Variants in KCND2 observed in about 807,000 individuals in gnomAD.
KCND2 encodes the protein A-type voltage-gated potassium channel KCND2.
KCND2 carries 16 observed loss-of-function variants against 54.4 expected under a neutral mutation model. That is an observed-to-expected ratio of 0.29 (90% CI 0.20 to 0.45). The LOEUF (loss-of-function observed/expected upper bound fraction) is 0.45. KCND2 is among the 20% of genes least tolerant of loss of function. The probability of loss-of-function intolerance (pLI) is 1.00; values close to 1 mark genes in which losing one functional copy is unlikely to be tolerated. For missense variants in KCND2, 486 were observed against 824.2 expected (o/e 0.59, Z 5.02); for synonymous variants, 317 against 310.7 (o/e 1.02, Z -0.21).
chr7:120,583,554 AGGTCTC>A (rs1792547279), intron 1 of KCND2, among the ~76,000 whole-genome samples: 1 of 152,094 alleles, frequency 6.6e-6, no homozygotes, highest in Admixed American at 6.6e-5. Context: ...GGTGCCTGTG[AGGTCTC>A]TCTCTGGCTT....
At chr7:120,389,064 TC>T (rs1801034909) in intron 1 of KCND2, among the ~76,000 whole-genome samples, 1 of 151,760 alleles carries the variant, frequency 6.6e-6, no homozygotes, top group Non-Finnish European at 1.5e-5. Flanking sequence ...CATACATAAT[TC>T]AGTTCCACTA....
chr7:120,744,729 T>A (rs1473160783), intron 4 of KCND2, among the ~76,000 whole-genome samples: 1 of 152,168 alleles, frequency 6.6e-6, no homozygotes, highest in Non-Finnish European at 1.5e-5. Context: ...AGCCAGTGTC[T>A]TGCTTCAATT....
At chr7:120,569,410 CA>C (rs1792336141) in intron 1 of KCND2, among the ~76,000 whole-genome samples, 1 of 152,044 alleles carries the variant, frequency 6.6e-6, no homozygotes, top group Admixed American at 6.6e-5. Flanking sequence ...CTTAATATCC[CA>C]AATTATTTGT....
At chr7:120,702,042 C>A (rs911607295) in intron 1 of KCND2, among the ~76,000 whole-genome samples, 1 of 151,990 alleles carries the variant, frequency 6.6e-6, no homozygotes, top group Admixed American at 6.6e-5. Context: ...AGAACATTTT[C>A]AAAAACTATG....
intron 1 of KCND2, among the ~76,000 whole-genome samples, chr7:120,418,635 G>T (rs1801562519): frequency 6.6e-6 from 1 of 152,130 alleles, no homozygotes; most frequent in African/African-American, 2.4e-5. Context: ...TTTTTTATTA[G>T]TTCCCAGGTG....
chr7:120,530,695 T>C (rs531696962), intron 1 of KCND2, among the ~76,000 whole-genome samples: 3 of 152,266 alleles, frequency 2.0e-5, no homozygotes, highest in Admixed American at 2.0e-4. Context: ...CAAAACTTTA[T>C]TTTTTGTATT....
chr7:120,538,102 C>T (rs902932620), intron 1 of KCND2, among the ~76,000 whole-genome samples: 24 of 152,170 alleles, frequency 1.6e-4, no homozygotes, highest in African/African-American at 5.1e-4. Flanking sequence ...AAGTGAAAGA[C>T]GTGTGTCTCT....
chr7:120,602,806 A>G (rs2116474986), intron 1 of KCND2, among the ~76,000 whole-genome samples: 1 of 152,312 alleles, frequency 6.6e-6, no homozygotes, highest in Admixed American at 6.5e-5. Flanking sequence ...TTTTAAACAT[A>G]TTCTTGAAAT....
chr7:120,335,468 CTTATTTATTTATTTAT>C (rs757550470), intron 1 of KCND2, among the ~76,000 whole-genome samples: 8 of 110,624 alleles, frequency 7.2e-5, no homozygotes, highest in Non-Finnish European at 9.0e-5. Flanking sequence ...TACTTACTTA[CTTATTTATTTATTTAT>C]TTATTTATTT....
At chr7:120,356,406 T>C (rs141249997) in intron 1 of KCND2, among the ~76,000 whole-genome samples, 108 of 152,258 alleles carry the variant, frequency 7.1e-4, no homozygotes, top group African/African-American at 2.6e-3. Flanking sequence ...TTTATAAACA[T>C]AAAATCTGGA....
intron 1 of KCND2, among the ~76,000 whole-genome samples, chr7:120,456,314 C>A (rs1584786530): frequency 6.6e-6 from 1 of 152,220 alleles, no homozygotes; most frequent in South Asian, 2.1e-4. Flanking sequence ...TACCATGAAC[C>A]CATCTCTATG....
chr7:120,277,192 T>G lies in KCND2; in HGVS notation c.1115+1445T>G, dbSNP rs145611257. On this transcript the variant is annotated intron_variant, in intron 1 of 5. Transcript: ENST00000331113. ...ATTTATGATTTTTATTTAGTCTCAT[T>G]TTTTTAAAGACCTACTGGTACATTT... Among the ~76,000 whole-genome samples the G allele has an allele frequency of 2.9e-3, 436 of 152,240 alleles. 5 individuals carry two copies. Among genetic ancestry groups the G allele is most frequent in the Admixed American group, 0.027 (410 of 15,298 alleles).
chr7:120,734,649 T>G (rs1792848506), intron 2 of KCND2, among the ~76,000 whole-genome samples: 1 of 152,132 alleles, frequency 6.6e-6, no homozygotes, highest in Non-Finnish European at 1.5e-5. Flanking sequence ...GAAATAATCT[T>G]GGAAATCTCT....
intron 1 of KCND2, among the ~76,000 whole-genome samples, chr7:120,485,722 T>C (rs574958801): frequency 3.9e-5 from 6 of 152,342 alleles, no homozygotes; most frequent in African/African-American, 1.4e-4. Context: ...TTCTAAAATA[T>C]TAACTTTCAG....
chr7:120,598,083 A>T (rs1302036819), intron 1 of KCND2, among the ~76,000 whole-genome samples: 1 of 152,056 alleles, frequency 6.6e-6, no homozygotes, highest in East Asian at 1.9e-4. Flanking sequence ...AAAACTAAAA[A>T]AAAAAACTAA....
chr7:120,307,400 C>A (rs1248907004), intron 1 of KCND2, among the ~76,000 whole-genome samples: 2 of 151,970 alleles, frequency 1.3e-5, no homozygotes, highest in Non-Finnish European at 1.5e-5. Context: ...CAGTGATATA[C>A]CTACCTGTGA....
At chr7:120,677,756 C>A (rs773134263) in intron 1 of KCND2, among the ~76,000 whole-genome samples, 3 of 151,918 alleles carry the variant, frequency 2.0e-5, no homozygotes, top group Non-Finnish European at 4.4e-5. Context: ...TTAATACTTT[C>A]ATTTTTGCTT....
chr7:120,272,935 G>A (rs1282513120), upstream of KCND2, among the ~76,000 whole-genome samples: 6 of 152,040 alleles, frequency 3.9e-5, no homozygotes, highest in Non-Finnish European at 7.4e-5. Flanking sequence ...GGACTCGAGA[G>A]GCAGAAGCAA....
chr7:120,437,332 A>G lies in KCND2; in HGVS notation c.1115+161585A>G, dbSNP rs367755395. On this transcript the variant is annotated intron_variant, in intron 1 of 5. Transcript: ENST00000331113. Reference sequence around the variant, plus strand: ...ATTCTCCTGCCTCAGCCTCCGGAGTAGCTGGGATTACAGGCATGTGCCACC... The same window carrying G: ...ATTCTCCTGCCTCAGCCTCCGGAGTGGCTGGGATTACAGGCATGTGCCACC... Among the ~76,000 whole-genome samples the G allele has an allele frequency of 1.6e-4, 24 of 150,486 alleles. 1 individual carries two copies. The highest frequency in any genetic ancestry group is 4.9e-4 in the African/African-American group (20 of 40,722).
Sources: allele counts gnomAD v4.1 joint callset (sites outside exome capture counted in the v4.1 genomes callset), GRCh38; gene constraint gnomAD v4.1.1; transcripts MANE v1.5; gene names NCBI Gene and HGNC (gene_info 2026-07-23, HGNC 2026-07-21).